NCR3LG1: variants seen among roughly 807,000 people sequenced by gnomAD.
NCR3LG1 encodes natural cytotoxicity triggering receptor 3 ligand 1.
Under a neutral mutation model 34.8 loss-of-function variants are expected in NCR3LG1, and 35 were observed. That is an observed-to-expected ratio of 1.01 (90% CI 0.77 to 1.33). The LOEUF is 1.33. NCR3LG1 is among the 40% of genes most tolerant of loss of function. The pLI, the probability that NCR3LG1 is intolerant of heterozygous loss-of-function variation, is 0.00. For missense variants in NCR3LG1, 452 were observed against 423.3 expected (o/e 1.07, Z -0.60); for synonymous variants, 173 against 163.6 (o/e 1.06, Z -0.44).
chr11:17,379,587 G>A (rs10832783), downstream of NCR3LG1, among the ~76,000 whole-genome samples: 7,238 of 152,254 alleles, frequency 0.048, 249 homozygotes, highest in Non-Finnish European at 0.077. Context: ...CCTGCTGGAG[G>A]ATGAGAGATG....
At chr11:17,352,105 T>A in intron 1 of NCR3LG1, 66 bp downstream of exon 1, 1 of 1,100,578 alleles carries the variant, frequency 9.1e-7, no homozygotes. Context: ...GCGGGTCGGC[T>A]CCCTAGCATC....
chr11:17,377,888 G>C (rs552506145), downstream of NCR3LG1, among the ~76,000 whole-genome samples: 1 of 152,146 alleles, frequency 6.6e-6, no homozygotes, highest in African/African-American at 2.4e-5. Flanking sequence ...TCTCAGATGC[G>C]CTGAACAAAG....
At position 17,368,931 on chromosome 11, in the gene NCR3LG1, G is replaced by C; in HGVS notation, c.825G>C (p.Leu275=). 6.5e-7 allele frequency: 1 copy of C among 1,534,742 alleles called. No homozygotes were observed. Among genetic ancestry groups the C allele is most frequent in the South Asian group, 1.2e-5 (1 of 83,948 alleles). Reference sequence around the variant, plus strand: ...CTATTTCATTCATTGGTGTTGGACTGGTTTTATTAATTGTTTTGATTCCTT... The same window carrying C: ...CTATTTCATTCATTGGTGTTGGACTCGTTTTATTAATTGTTTTGATTCCTT... ...WWPISFIGVG[L]VLLIVLIPWK... Residue 275 remains leucine (L), a synonymous_variant, in exon 4 of 5, where the codon CTG becomes CTC. Coordinates refer to ENST00000338965, the MANE Select transcript of NCR3LG1 (RefSeq NM_001202439.3).
rs1305689082 is a variant in NCR3LG1, at chr11:17,376,012, A to G, written c.*3500A>G. The G allele has an allele frequency of 6.6e-6, 1 of 152,242 alleles. No individual in the cohort carries two copies. Among genetic ancestry groups the G allele is most frequent in the African/African-American group, 2.4e-5 (1 of 41,460 alleles). The allele number at this position is 152,242 out of a possible 1,614,324, so 9.4% of individuals were successfully genotyped here. The stretch of plus-strand genomic sequence containing the variant: ...TTAGGAAAGCATAAGACATCAGTGC[A>G]TCCAAAGATTGTTCTCAGGAGAAAA... On this transcript the variant is annotated 3_prime_UTR_variant, in exon 5 of 5. Transcript: ENST00000338965.
chr11:17,380,490 A>AT (rs554844124), downstream of NCR3LG1, among the ~76,000 whole-genome samples: 1,161 of 145,642 alleles, frequency 8.0e-3, 5 homozygotes, highest in Non-Finnish European at 1.0e-2. Context: ...GTTTTTAGTA[A>AT]TTTTTTTTTT....
At chr11:17,356,583 C>A in intron 1 of NCR3LG1, 68 bp from the exon 2 acceptor site, 2 of 1,172,874 alleles carry the variant, frequency 1.7e-6, no homozygotes, top group Non-Finnish European at 2.4e-6. Context: ...AGCATTCAGT[C>A]CATAGCACAT....
At position 17,374,843 on chromosome 11, in the gene NCR3LG1, G is replaced by A. The variant is rs1953456551; in HGVS notation, c.*2331G>A. 2 of 152,158 alleles carry A rather than the reference G, an allele frequency of 1.3e-5. No individual in the cohort carries two copies. The highest frequency in any genetic ancestry group is 4.8e-5 in the African/African-American group (2 of 41,418). The allele number at this position is 152,158 out of a possible 1,614,324, so 9.4% of individuals were successfully genotyped here. ...AAAGGCCATTAATCAGTTAAAACAAGCCTTGCTTAAAGCACCAGCCCCCAG... is the reference window on the plus strand; with the variant it reads ...AAAGGCCATTAATCAGTTAAAACAAACCTTGCTTAAAGCACCAGCCCCCAG... On this transcript the variant is annotated 3_prime_UTR_variant, in exon 5 of 5. Transcript: ENST00000338965.
chr11:17,354,847 T>C (rs2139726245), intron 1 of NCR3LG1, among the ~76,000 whole-genome samples: 1 of 152,318 alleles, frequency 6.6e-6, no homozygotes, highest in African/African-American at 2.4e-5. Context: ...TACATTTTTG[T>C]TAACATTAAT....
rs1305667977 is a variant in NCR3LG1 at position 17,356,948 on chromosome 11, AGGTGGT to A, written c.372_377del (p.Val125_Val126del). 1 of 1,535,594 alleles carries A rather than the reference AGGTGGT, an allele frequency of 6.5e-7. No individual in the cohort carries two copies. The highest frequency in any genetic ancestry group is 8.7e-7 in the Non-Finnish European group (1 of 1,146,692). On this transcript the variant is annotated inframe_deletion, in exon 2 of 5. Transcript: ENST00000338965. Reference sequence around the variant, plus strand: ...GAGGAAGCAGGAGAGTACCGATGTGAGGTGGTGGTCACCCCTCTGAAGGCACAGGGA... The same window carrying A: ...GAGGAAGCAGGAGAGTACCGATGTGAGGTCACCCCTCTGAAGGCACAGGGA...
chr11:17,377,454 C>G (rs1199368216), downstream of NCR3LG1: 1 of 152,280 alleles, frequency 6.6e-6, no homozygotes, highest in East Asian at 1.9e-4. Flanking sequence ...TGCCACTGCA[C>G]TCTAGCCTGG....
Position 17,356,658 on chromosome 11 carries a change from G to C in NCR3LG1, c.78G>C (p.Leu26=). ...GTCCTCTTATTGCCACAGGTGATCT[G>C]AAAGTAGAGATGATGGCAGGGGGGA... ...LLWALTTEGD[L]KVEMMAGGTQ... is the part of the protein sequence containing the mutation. Residue 26 remains leucine, a synonymous_variant, in exon 2 of 5, where the codon CTG becomes CTC. Coordinates refer to ENST00000338965, the MANE Select transcript of NCR3LG1 (RefSeq NM_001202439.3). 1.2e-5 allele frequency: 18 copies of C among 1,531,136 alleles called. No individual in the cohort carries two copies. The highest frequency in any genetic ancestry group is 1.5e-5 in the Non-Finnish European group (17 of 1,143,864). 94.8% of individuals were successfully genotyped at this position (1,531,136 alleles called of 1,614,324 possible). A position where few individuals can be genotyped will look rare whatever the true frequency, so the allele number is the denominator to read the frequency against.
chr11:17,361,500 G>T (rs896181366), intron 2 of NCR3LG1, among the ~76,000 whole-genome samples: 3 of 151,918 alleles, frequency 2.0e-5, no homozygotes, highest in African/African-American at 4.8e-5. Context: ...GGCCAGGCTG[G>T]TCTCAAACAC....
intron 4 of NCR3LG1, among the ~76,000 whole-genome samples, chr11:17,370,278 C>T (rs117770675): frequency 0.011 from 1,613 of 152,250 alleles, 14 homozygotes; most frequent in Middle Eastern, 0.027. Flanking sequence ...TTGGGGTCCG[C>T]GCTCCTTAAT....
downstream of NCR3LG1, among the ~76,000 whole-genome samples, chr11:17,379,538 G>T (rs1591691133): frequency 6.6e-6 from 1 of 152,088 alleles, no homozygotes; most frequent in African/African-American, 2.4e-5. Context: ...TTCCTCGTGT[G>T]CTTCTAATGG....
intron 2 of NCR3LG1, among the ~76,000 whole-genome samples, chr11:17,361,101 T>G (rs1953264893): frequency 6.6e-6 from 1 of 152,128 alleles, no homozygotes; most frequent in Admixed American, 6.5e-5. Context: ...TATTGTATTT[T>G]AGTAGTAAGT....
At chr11:17,357,128 T>C in intron 2 of NCR3LG1, 127 bp downstream of exon 2, 2 of 667,332 alleles carry the variant, frequency 3.0e-6, no homozygotes, top group South Asian at 4.1e-5. Flanking sequence ...TGGATGAGCT[T>C]GGTGGCTGTA....
intron 2 of NCR3LG1, among the ~76,000 whole-genome samples, chr11:17,362,913 T>G (rs1451378905): frequency 1.1e-5 from 1 of 88,728 alleles, no homozygotes; most frequent in African/African-American, 4.7e-5. Context: ...TTCCCTTCCC[T>G]TCCCTTCCCT....
At position 17,375,331 on chromosome 11, in the gene NCR3LG1, C is replaced by T. The variant is rs911076757; in HGVS notation, c.*2819C>T. 2 of 152,148 alleles carry T rather than the reference C, an allele frequency of 1.3e-5. No individual in the cohort carries two copies. Among genetic ancestry groups the T allele is most frequent in the African/African-American group, 4.8e-5 (2 of 41,412 alleles). The allele number at this position is 152,148 out of a possible 1,614,324, so 9.4% of individuals were successfully genotyped here. ...TAGGGAGGATCTCAAAGAAATTCCC[C>T]TAGAAAATCCAGACTGGACCCACTT... On this transcript the variant is annotated 3_prime_UTR_variant, in exon 5 of 5. Coordinates refer to ENST00000338965, the MANE Select transcript of NCR3LG1 (RefSeq NM_001202439.3).
intron 4 of NCR3LG1, among the ~76,000 whole-genome samples, chr11:17,369,516 A>C (rs532731299): frequency 3.3e-5 from 5 of 152,368 alleles, no homozygotes; most frequent in African/African-American, 1.2e-4. Context: ...CAAGCTTTAG[A>C]GGCCCAAGAG....
Sources: gnomAD v4.1 joint callset for allele counts (sites outside exome capture counted in the v4.1 genomes callset) on GRCh38, gnomAD v4.1.1 for gene constraint, MANE v1.5 for transcripts, NCBI Gene and HGNC (gene_info 2026-07-23, HGNC 2026-07-21) for gene names.